MYRIP: variants seen among roughly 807,000 people sequenced by gnomAD.
MYRIP encodes myosin VIIA and Rab interacting protein.
A neutral mutation model predicts 98.0 loss-of-function variants in MYRIP; 49 were observed. That is an observed-to-expected ratio of 0.50 (90% CI 0.40 to 0.63). The LOEUF is 0.63. Ranked by LOEUF, MYRIP falls within the 30% of genes least tolerant of loss-of-function variation. The probability of loss-of-function intolerance (pLI) is 0.00; values close to 1 mark genes in which losing one functional copy is unlikely to be tolerated. For synonymous variants in MYRIP, 404 were observed against 409.5 expected, an observed-to-expected ratio of 0.99 and a Z score of 0.16; for missense variants, 1,004 against 1,058.2, an observed-to-expected ratio of 0.95 and a Z score of 0.71.
At chr3:40,066,762 G>A (rs1250518245) in intron 3 of MYRIP, among the ~76,000 whole-genome samples, 4 of 152,196 alleles carry the variant, frequency 2.6e-5, no homozygotes, top group Admixed American at 6.5e-5. Flanking sequence ...TTATGTTATA[G>A]GAGCAAATGA....
rs11919510 is a variant in MYRIP, at chr3:40,132,073, T to C, written c.333-18975T>C. Among the ~76,000 whole-genome samples the C allele has an allele frequency of 7.6e-3, 1,161 of 152,188 alleles. 15 individuals carry two copies. Among genetic ancestry groups the C allele is most frequent in the African/African-American group, 0.027 (1,114 of 41,514 alleles). ...TGTGCTTATATCATTTTTTAAGAAATCAATTTTTTTAATGCTTATAGAATC... is the reference window on the plus strand; with the variant it reads ...TGTGCTTATATCATTTTTTAAGAAACCAATTTTTTTAATGCTTATAGAATC... On this transcript the variant is annotated intron_variant, in intron 3 of 16. Transcript: ENST00000302541.
intron 3 of MYRIP, among the ~76,000 whole-genome samples, chr3:40,112,211 A>G (rs763926421): frequency 6.7e-6 from 1 of 149,686 alleles, no homozygotes; most frequent in Admixed American, 6.6e-5. Context: ...ACGCTCATGG[A>G]ATTCTACAGG....
chr3:40,146,706 C>A (rs1950018832), intron 3 of MYRIP, among the ~76,000 whole-genome samples: 2 of 152,162 alleles, frequency 1.3e-5, no homozygotes, highest in Non-Finnish European at 1.5e-5. Flanking sequence ...CATGAATACA[C>A]ACACACAAAT....
At chr3:39,874,840 A>C (rs1265943382) in intron 1 of MYRIP, among the ~76,000 whole-genome samples, 3 of 152,078 alleles carry the variant, frequency 2.0e-5, no homozygotes, top group Non-Finnish European at 4.4e-5. Flanking sequence ...TGGTATCAGG[A>C]TGATGCTGGC....
chr3:40,182,517 C>A, intron 9 of MYRIP, 144 bp downstream of exon 9: 1 of 888,450 alleles, frequency 1.1e-6, no homozygotes, highest in Non-Finnish European at 1.7e-6. Context: ...AGTCATGAGG[C>A]CTCCAGCACA....
chr3:40,060,216 C>G (rs2125847427), intron 3 of MYRIP, among the ~76,000 whole-genome samples: 1 of 152,292 alleles, frequency 6.6e-6, no homozygotes, highest in East Asian at 1.9e-4. Flanking sequence ...TTGGGAAACT[C>G]TGTGCTCTGA....
At position 40,070,666 on chromosome 3, in the gene MYRIP, G is replaced by A. The variant is rs28578058; in HGVS notation, c.332+26395G>A. 6.8e-3 allele frequency among the ~76,000 whole-genome samples: 1,034 copies of A among 152,094 alleles called. 16 individuals are homozygous for A. Among genetic ancestry groups the A allele is most frequent in the African/African-American group, 0.024 (982 of 41,492 alleles). On this transcript the variant is annotated intron_variant, in intron 3 of 16. Transcript: ENST00000302541. The stretch of plus-strand genomic sequence containing the variant: ...TGTGTGCGAGGGATCTAGGGTACAC[G>A]CTCCTCATGAGAATCTAATGCCTGA...
At chr3:40,252,572 T>C (rs1953410365) in intron 16 of MYRIP, among the ~76,000 whole-genome samples, 1 of 152,198 alleles carries the variant, frequency 6.6e-6, no homozygotes, top group South Asian at 2.1e-4. Flanking sequence ...CAAGCCCTTA[T>C]ACCTTCTGCA....
At chr3:40,123,955 G>A (rs1034307815) in intron 3 of MYRIP, among the ~76,000 whole-genome samples, 12 of 152,290 alleles carry the variant, frequency 7.9e-5, no homozygotes, top group Admixed American at 7.2e-4. Context: ...AACTGGGTTG[G>A]TGCAAGGCCA....
chr3:39,871,834 G>A (rs1422626815), intron 1 of MYRIP, among the ~76,000 whole-genome samples: 1 of 151,900 alleles, frequency 6.6e-6, no homozygotes, highest in Admixed American at 6.6e-5. Context: ...ACAATTTCAA[G>A]TGTTATTAGC....
intron 3 of MYRIP, among the ~76,000 whole-genome samples, chr3:40,113,184 C>T (rs1245708212): frequency 8.5e-5 from 13 of 152,210 alleles, no homozygotes; most frequent in African/African-American, 3.1e-4. Context: ...CACTCAGTTG[C>T]CCAAGCTGGA....
intron 3 of MYRIP, among the ~76,000 whole-genome samples, chr3:40,065,003 G>A (rs572686322): frequency 6.6e-6 from 1 of 152,230 alleles, no homozygotes; most frequent in African/African-American, 2.4e-5. Flanking sequence ...ATTTCTTAGG[G>A]TTTCCATAAT....
chr3:39,973,609 GCAC>G (rs1042338893), intron 2 of MYRIP, among the ~76,000 whole-genome samples: 10 of 152,282 alleles, frequency 6.6e-5, no homozygotes, highest in African/African-American at 2.4e-4. Flanking sequence ...GTTCTTCTCA[GCAC>G]CACACCACAC....
intron 1 of MYRIP, among the ~76,000 whole-genome samples, chr3:39,865,263 A>T (rs1001814774): frequency 6.6e-6 from 1 of 152,198 alleles, no homozygotes; most frequent in African/African-American, 2.4e-5. Context: ...TATGACAAAG[A>T]TACTAAAAGC....
chr3:40,151,250 G>T, intron 4 of MYRIP, 66 bp downstream of exon 4: 5 of 1,500,970 alleles, frequency 3.3e-6, no homozygotes, highest in Non-Finnish European at 4.5e-6. Context: ...CTGGCTCAGG[G>T]GCCCTGAACA....
At chr3:39,868,004 C>G (rs1304463651) in intron 1 of MYRIP, among the ~76,000 whole-genome samples, 1 of 152,176 alleles carries the variant, frequency 6.6e-6, no homozygotes, top group Non-Finnish European at 1.5e-5. Context: ...CCTTCTCTCT[C>G]ACTGTCTTTT....
intron 8 of MYRIP, among the ~76,000 whole-genome samples, chr3:40,180,643 T>C (rs868467913): frequency 6.6e-6 from 1 of 152,210 alleles, no homozygotes; most frequent in South Asian, 2.1e-4. Context: ...CGTTAACCTA[T>C]GACCATTGCA....
At chr3:39,942,269 G>A (rs1043138291) in intron 2 of MYRIP, among the ~76,000 whole-genome samples, 15 of 152,068 alleles carry the variant, frequency 9.9e-5, no homozygotes, top group African/African-American at 2.7e-4. Flanking sequence ...TATGTACGGC[G>A]TGGAAGGCAG....
chr3:39,987,994 G>T (rs1946075212), intron 2 of MYRIP, among the ~76,000 whole-genome samples: 1 of 152,134 alleles, frequency 6.6e-6, no homozygotes, highest in Non-Finnish European at 1.5e-5. Context: ...AAGATGATGA[G>T]TTCATGTCCT....
Sources: allele counts gnomAD v4.1 joint callset (sites outside exome capture counted in the v4.1 genomes callset), GRCh38; gene constraint gnomAD v4.1.1; transcripts MANE v1.5; gene names NCBI Gene and HGNC (gene_info 2026-07-23, HGNC 2026-07-21).